The following MYH10 variants were observed in gnomAD, a reference collection of about 807,000 sequenced individuals.
MYH10 encodes myosin-10.
A neutral mutation model predicts 257.8 loss-of-function variants in MYH10; 55 were observed. The ratio of observed to expected loss-of-function variants is 0.21; its 90% CI spans 0.17 to 0.27. The LOEUF (loss-of-function observed/expected upper bound fraction) is 0.27, where lower values mean the gene tolerates loss of function less well. Among genes scored for constraint, MYH10 ranks in the 10% least tolerant of loss-of-function variants. The probability of loss-of-function intolerance (pLI) is 1.00; values close to 1 mark genes in which losing one functional copy is unlikely to be tolerated. For missense variants in MYH10, 1,631 were observed against 2,500.6 expected, an observed-to-expected ratio of 0.65 and a Z score of 7.42; for synonymous variants, 854 against 921.7, an observed-to-expected ratio of 0.93 and a Z score of 1.33.
chr17:8,546,565 T>C lies in MYH10; in HGVS notation c.1257A>G (p.Gln419=), dbSNP rs1220710372. The change falls in exon 12 of 43, where the codon CAA becomes CAG. Residue 419 remains glutamine (Q), a synonymous_variant. Coordinates refer to ENST00000360416, the MANE Select transcript of MYH10 (RefSeq NM_001256012.3). Reference sequence around the variant, plus strand: ...CTACCTGTTCTTTGGTCTGGGCTTTTTGCACATAGTCTCGGCCGACCTTGA... The same window carrying C: ...CTACCTGTTCTTTGGTCTGGGCTTTCTGCACATAGTCTCGGCCGACCTTGA... ...PRIKVGRDYV[Q]KAQTKEQADF... is the part of the protein sequence containing the mutation. 3.7e-6 allele frequency: 6 copies of C among 1,614,034 alleles called. No individual in the cohort carries two copies. The highest frequency in any genetic ancestry group is 1.1e-5 in the South Asian group (1 of 91,060).
At chr17:8,523,953 TG>T (rs1463231072) in intron 17 of MYH10, among the ~76,000 whole-genome samples, 1 of 152,090 alleles carries the variant, frequency 6.6e-6, no homozygotes, top group Non-Finnish European at 1.5e-5. Context: ...TAAGTAAGTC[TG>T]GGATGCCTGG....
chr17:8,573,783 G>A (rs1431283079), intron 6 of MYH10: 1 of 865,894 alleles, frequency 1.2e-6, no homozygotes, highest in African/African-American at 1.8e-5. Flanking sequence ...CTTTAATTTT[G>A]AAAACTGATT....
intron 4 of MYH10, 101 bp downstream of exon 4, chr17:8,588,980 T>C (rs969261388): frequency 1.1e-5 from 13 of 1,130,912 alleles, no homozygotes; most frequent in Non-Finnish European, 1.6e-5. Flanking sequence ...ATCAAACTCT[T>C]AAAAATTACT....
intron 28 of MYH10, among the ~76,000 whole-genome samples, chr17:8,501,297 A>C (rs903792103): frequency 6.6e-6 from 1 of 152,118 alleles, no homozygotes; most frequent in Non-Finnish European, 1.5e-5. Context: ...TTTAAAAAAA[A>C]ACCAAAAAAA....
At chr17:8,531,421 AAAC>A (rs2081999974) in intron 16 of MYH10, among the ~76,000 whole-genome samples, 1 of 152,200 alleles carries the variant, frequency 6.6e-6, no homozygotes, top group African/African-American at 2.4e-5. Flanking sequence ...AAGAGATCCC[AAAC>A]AACATCTTTT....
intron 4 of MYH10, among the ~76,000 whole-genome samples, chr17:8,584,384 A>T (rs559870496): frequency 6.6e-6 from 1 of 152,358 alleles, no homozygotes; most frequent in South Asian, 2.1e-4. Context: ...TATTTGGGCC[A>T]AGGTTGAAGC....
intron 36 of MYH10, among the ~76,000 whole-genome samples, chr17:8,487,197 C>T (rs542621906): frequency 6.6e-6 from 1 of 152,354 alleles, no homozygotes; most frequent in East Asian, 1.9e-4. Flanking sequence ...TCGCCACAGG[C>T]TCTCAGGGCC....
intron 3 of MYH10, 111 bp from the exon 4 acceptor site, chr17:8,589,219 T>C: frequency 9.2e-7 from 1 of 1,087,650 alleles, no homozygotes; most frequent in Non-Finnish European, 1.4e-6. Flanking sequence ...TAGTAACTAC[T>C]CCTCTCGAGC....
At chr17:8,540,966 TTAAGA>T (rs1222944644) in intron 14 of MYH10, among the ~76,000 whole-genome samples, 1 of 152,168 alleles carries the variant, frequency 6.6e-6, no homozygotes, top group African/African-American at 2.4e-5. Flanking sequence ...TATAAGTAAT[TTAAGA>T]TTTTTGCTCT....
At chr17:8,519,571 T>C (rs1036342527) in intron 19 of MYH10, among the ~76,000 whole-genome samples, 2 of 151,756 alleles carry the variant, frequency 1.3e-5, no homozygotes, top group African/African-American at 2.4e-5. Context: ...ACTTTGTATC[T>C]TGGATGCCAA....
At chr17:8,550,145 G>A (rs4791730) in intron 9 of MYH10, among the ~76,000 whole-genome samples, 71,245 of 144,834 alleles carry the variant, frequency 0.49, 17,822 homozygotes, top group Middle Eastern at 0.6. Flanking sequence ...CTGCCTGGCC[G>A]CCCATCATCT....
intron 4 of MYH10, among the ~76,000 whole-genome samples, chr17:8,587,568 G>A (rs765186949): frequency 3.9e-5 from 6 of 152,088 alleles, no homozygotes; most frequent in Admixed American, 2.0e-4. Context: ...TCCTTGGCCC[G>A]TCACTGGAGA....
chr17:8,593,724 T>C lies in MYH10; in HGVS notation c.503-4616A>G, dbSNP rs116748854. ...TATAGAGAGACAAACTGTTGATGGA[T>C]TGGAAGACTCAATATTGTTGTTAAT... On this transcript the variant is annotated intron_variant, in intron 3 of 42. Transcript: ENST00000360416. Among the ~76,000 whole-genome samples the C allele has an allele frequency of 6.8e-3, 1,040 of 152,244 alleles. 14 individuals are homozygous for C. Among genetic ancestry groups the C allele is most frequent in the African/African-American group, 0.024 (999 of 41,554 alleles).
chr17:8,603,438 A>C (rs2084684009), intron 3 of MYH10, among the ~76,000 whole-genome samples: 1 of 152,214 alleles, frequency 6.6e-6, no homozygotes, highest in South Asian at 2.1e-4. Context: ...AGAATGATAC[A>C]TGTGAGCCTG....
chr17:8,495,339 G>T, intron 30 of MYH10, 98 bp from the exon 31 acceptor site: 1 of 749,960 alleles, frequency 1.3e-6, no homozygotes, highest in Non-Finnish European at 2.2e-6. Flanking sequence ...GAACTCGGCG[G>T]GAGTGTGAAC....
At position 8,484,120 on chromosome 17, in the gene MYH10, G is replaced by GATGA. The variant is rs34512272; in HGVS notation, c.5175+17_5175+18insTCAT. 1,547,731 of 1,556,714 alleles carry GATGA rather than the reference G, an allele frequency of 0.99. 769,848 individuals are homozygous for GATGA. The highest frequency in any genetic ancestry group is 1 in the East Asian group (42,946 of 42,950). ...GGCAAATATATTTGTTGAACAAATG[G>GATGA]ATAAGTAACAAACCAACCTCCTGCA... On this transcript the variant is annotated intron_variant, in intron 37 of 42. Coordinates refer to ENST00000360416, the MANE Select transcript of MYH10 (RefSeq NM_001256012.3).
chr17:8,501,511 G>GAAGGAA (rs1390947015), intron 28 of MYH10, among the ~76,000 whole-genome samples: 1 of 152,210 alleles, frequency 6.6e-6, no homozygotes, highest in East Asian at 1.9e-4. Context: ...TTTCAAAAGT[G>GAAGGAA]AAGGGGTGAC....
chr17:8,526,069 G>T (rs895446163), intron 17 of MYH10, among the ~76,000 whole-genome samples: 11 of 152,188 alleles, frequency 7.2e-5, no homozygotes, highest in African/African-American at 2.4e-4. Flanking sequence ...GGGATTACAG[G>T]CGTGAGCCAC....
chr17:8,504,511 C>T lies in MYH10; in HGVS notation c.3599+183G>A, dbSNP rs1158255921. On this transcript the variant is annotated intron_variant, in intron 28 of 42. Coordinates refer to ENST00000360416, the MANE Select transcript of MYH10 (RefSeq NM_001256012.3). The surrounding 1 kb of genome is among the most constrained non-coding windows in gnomAD (Gnocchi z 5.6). ...CTGCTGGTTTACCCACCCACCCCTG[C>T]ACAGGTATTTCTACCCATAGGCTGG... 1.3e-5 allele frequency among the ~76,000 whole-genome samples: 2 copies of T among 152,232 alleles called. No homozygotes were observed. Among genetic ancestry groups the T allele is most frequent in the Admixed American group, 6.5e-5 (1 of 15,284 alleles).
Sources: allele counts gnomAD v4.1 joint callset (sites outside exome capture counted in the v4.1 genomes callset), GRCh38; gene constraint gnomAD v4.1.1; non-coding constraint Gnocchi (gnomAD v3.1); transcripts MANE v1.5; gene names NCBI Gene and HGNC (gene_info 2026-07-23, HGNC 2026-07-21).